The following CILK1 variants were observed in gnomAD, a reference collection of about 807,000 sequenced individuals.
CILK1 encodes the protein serine/threonine-protein kinase ICK.
Under a neutral mutation model 79.2 loss-of-function variants are expected in CILK1, and 47 were observed. The ratio of observed to expected loss-of-function variants is 0.59; its 90% CI spans 0.47 to 0.76. CILK1 has a LOEUF of 0.76. Among genes scored for constraint, CILK1 ranks in the 30% least tolerant of loss-of-function variants. The probability of loss-of-function intolerance (pLI) is 0.00; values close to 1 mark genes in which losing one functional copy is unlikely to be tolerated. For synonymous variants in CILK1, 266 were observed against 275.9 expected (o/e 0.96, Z 0.36); for missense variants, 660 against 769.5 (o/e 0.86, Z 1.68).
chr6:53,006,234 C>A, intron 13 of CILK1, 81 bp downstream of exon 13: 1 of 1,361,078 alleles, frequency 7.3e-7, no homozygotes, highest in Non-Finnish European at 1.0e-6. Context: ...GGATCCCAGG[C>A]CTAAAACATG....
chr6:53,009,282 G>A (rs1374708113), intron 12 of CILK1, among the ~76,000 whole-genome samples, 157 bp downstream of exon 12: 2 of 152,220 alleles, frequency 1.3e-5, no homozygotes, highest in African/African-American at 2.4e-5. Flanking sequence ...GACTGCTGCC[G>A]AGAAAGAGAG....
chr6:53,053,996 G>GA lies in CILK1; in HGVS notation c.-173+7599dup, dbSNP rs373868573. ...AGGAATTGAGCTAGCATTTGTCTAAGAAAAAAAAAAGGATAAATGTTTCTG... is the reference window on the plus strand; with the variant it reads ...AGGAATTGAGCTAGCATTTGTCTAAGAAAAAAAAAAAGGATAAATGTTTCTG... On this transcript the variant is annotated intron_variant, in intron 1 of 13. Coordinates refer to ENST00000676107, the MANE Select transcript of CILK1 (RefSeq NM_014920.5). Among the ~76,000 whole-genome samples, 62 of 147,530 alleles carry GA rather than the reference G, an allele frequency of 4.2e-4. 1 individual carries two copies. The highest frequency in any genetic ancestry group is 2.0e-3 in the Admixed American group (29 of 14,838).
At chr6:53,014,110 T>C in intron 8 of CILK1, 128 bp from the exon 9 acceptor site, 1 of 766,922 alleles carries the variant, frequency 1.3e-6, no homozygotes, top group Non-Finnish European at 2.3e-6. Context: ...AAACAGTACC[T>C]TGAATTTTTA....
chr6:53,042,811 G>A (rs140592368), intron 1 of CILK1, among the ~76,000 whole-genome samples: 1 of 152,264 alleles, frequency 6.6e-6, no homozygotes, highest in East Asian at 1.9e-4. Context: ...ACAGGACCCT[G>A]GAATAGAAAA....
chr6:53,007,687 T>C (rs1446645243), intron 12 of CILK1, among the ~76,000 whole-genome samples: 1 of 151,126 alleles, frequency 6.6e-6, no homozygotes, highest in Non-Finnish European at 1.5e-5. Context: ...CCCAGCACAA[T>C]GGGAGACCCA....
At chr6:53,011,949 C>T (rs200657596) in intron 10 of CILK1, 32 bp from the exon 11 acceptor site, 35 of 1,613,916 alleles carry the variant, frequency 2.2e-5, no homozygotes, top group Non-Finnish European at 2.5e-5. Context: ...TGGGTCAGCA[C>T]GAGAGACAGT....
intron 12 of CILK1, among the ~76,000 whole-genome samples, chr6:53,007,413 T>C (rs1477328212): frequency 6.6e-6 from 1 of 152,184 alleles, no homozygotes; most frequent in African/African-American, 2.4e-5. Context: ...AAAAAACTTA[T>C]AGTCAATAAA....
chr6:53,018,576 A>C, intron 6 of CILK1, 75 bp from the exon 7 acceptor site: 7 of 1,404,474 alleles, frequency 5.0e-6, no homozygotes, highest in Non-Finnish European at 5.0e-6. Flanking sequence ...ATCAGTTCTC[A>C]GTGAGGGGGT....
chr6:53,027,602 C>T (rs1214715717), intron 5 of CILK1, among the ~76,000 whole-genome samples: 1 of 152,194 alleles, frequency 6.6e-6, no homozygotes, highest in Non-Finnish European at 1.5e-5. Flanking sequence ...GCTTTAAGTA[C>T]TTTTTTTCCA....
At chr6:53,011,557 C>T (rs1562004852) in intron 11 of CILK1, among the ~76,000 whole-genome samples, 1 of 152,122 alleles carries the variant, frequency 6.6e-6, no homozygotes, top group Non-Finnish European at 1.5e-5. Context: ...CAAGATGGCG[C>T]CATTGCACTC....
At chr6:53,016,395 C>G (rs2127415508) in intron 7 of CILK1, 145 bp from the exon 8 acceptor site, 1 of 741,552 alleles carries the variant, frequency 1.3e-6, no homozygotes, top group East Asian at 2.7e-5. Context: ...TACTGTGGCA[C>G]TGTATGGAAT....
At chr6:53,054,892 G>A (rs6937057) in intron 1 of CILK1, among the ~76,000 whole-genome samples, 10,714 of 152,252 alleles carry the variant, frequency 0.07, 962 homozygotes, top group African/African-American at 0.2. Flanking sequence ...GCTCACATCA[G>A]GTGCCTTGCT....
At chr6:53,014,599 G>A (rs1026476766) in intron 8 of CILK1, among the ~76,000 whole-genome samples, 3 of 152,182 alleles carry the variant, frequency 2.0e-5, no homozygotes, top group African/African-American at 7.2e-5. Context: ...ATATTCTCTT[G>A]TCTTTCTGAA....
In CILK1 at chr6:53,018,392, G is replaced by A; in HGVS notation, c.601C>T (p.Pro201Ser). The A allele has an allele frequency of 6.2e-7, 1 of 1,614,176 alleles. No individual in the cohort carries two copies. The highest frequency in any genetic ancestry group is 8.5e-7 in the Non-Finnish European group (1 of 1,180,020). The change falls in exon 7 of 14, where the codon CCT (proline) becomes TCT (serine). Residue 201 changes from proline to serine, a missense_variant. Physicochemically the swap from Pro to Ser is moderately conservative, Grantham distance 74. Coordinates refer to ENST00000676107, the MANE Select transcript of CILK1 (RefSeq NM_014920.5). ...ATTGTGTCAATTTCACTGGCTCCAGGGAAGAGTGGCCTGAGGGTGTAAACT... is the reference window on the plus strand; with the variant it reads ...ATTGTGTCAATTTCACTGGCTCCAGAGAAGAGTGGCCTGAGGGTGTAAACT... Reference protein sequence around the residue: ...AEVYTLRPLFPGASEIDTIFK... With the variant: ...AEVYTLRPLFSGASEIDTIFK...
intron 13 of CILK1, among the ~76,000 whole-genome samples, chr6:53,005,979 T>C (rs985171557): frequency 2.0e-5 from 3 of 152,192 alleles, no homozygotes; most frequent in African/African-American, 7.2e-5. Context: ...TCACTCATAC[T>C]GTATGCTTGC....
intron 12 of CILK1, among the ~76,000 whole-genome samples, chr6:53,008,558 G>A (rs1176860667): frequency 6.6e-6 from 1 of 151,890 alleles, no homozygotes; most frequent in African/African-American, 2.4e-5. Flanking sequence ...CTGAGTAGCT[G>A]GGATTACAGG....
At chr6:53,026,691 A>G (rs781174599) in intron 5 of CILK1, among the ~76,000 whole-genome samples, 4 of 152,166 alleles carry the variant, frequency 2.6e-5, no homozygotes, top group African/African-American at 9.7e-5. Flanking sequence ...AATGTGACCT[A>G]TAACAATAAG....
At chr6:53,039,730 G>C (rs1766582495) in intron 2 of CILK1, among the ~76,000 whole-genome samples, 1 of 152,132 alleles carries the variant, frequency 6.6e-6, no homozygotes, top group Non-Finnish European at 1.5e-5. Flanking sequence ...AAGAACATTT[G>C]GTCAAGTAGT....
At chr6:53,057,999 T>TCAAC (rs1379625198) in intron 1 of CILK1, among the ~76,000 whole-genome samples, 1 of 152,198 alleles carries the variant, frequency 6.6e-6, no homozygotes, top group Non-Finnish European at 1.5e-5. Context: ...ACTTCACATG[T>TCAAC]CAACATATGT....
Sources: allele counts gnomAD v4.1 joint callset (sites outside exome capture counted in the v4.1 genomes callset), GRCh38; gene constraint gnomAD v4.1.1; transcripts MANE v1.5; gene names NCBI Gene and HGNC (gene_info 2026-07-23, HGNC 2026-07-21).